The following MAP3K9 variants were observed in gnomAD, a reference collection of about 807,000 sequenced individuals.
MAP3K9 encodes mixed lineage kinase 1 (tyr and ser/thr specificity).
MAP3K9 carries 46 observed loss-of-function variants against 95.8 expected under a neutral mutation model. That is an observed-to-expected ratio of 0.48 (90% CI 0.38 to 0.61). The LOEUF (loss-of-function observed/expected upper bound fraction) is 0.61, where lower values mean the gene tolerates loss of function less well. MAP3K9 is among the 20% of genes least tolerant of loss of function. The probability of loss-of-function intolerance (pLI) is 0.00; values close to 1 mark genes in which losing one functional copy is unlikely to be tolerated. For synonymous variants in MAP3K9, 533 were observed against 593.8 expected (o/e 0.90, Z 1.49); for missense variants, 1,296 against 1,474.3 (o/e 0.88, Z 1.98).
At chr14:70,778,869 T>C (rs1265858092) in intron 2 of MAP3K9, among the ~76,000 whole-genome samples, 1 of 152,210 alleles carries the variant, frequency 6.6e-6, no homozygotes, top group African/African-American at 2.4e-5. Context: ...GATGATGCCT[T>C]ACCCTACCCC....
intron 1 of MAP3K9, 29 bp downstream of exon 1, chr14:70,808,737 C>G: frequency 1.4e-6 from 2 of 1,438,466 alleles, no homozygotes; most frequent in Non-Finnish European, 1.8e-6. Context: ...GTCATTCCCC[C>G]TCCCCGCCCG....
rs2054922225 is a variant in MAP3K9 at position 70,800,933 on chromosome 14, A to G, written c.554T>C (p.Ile185Thr). 1 of 1,613,974 alleles carries G rather than the reference A, an allele frequency of 6.2e-7. No individual in the cohort carries two copies. Among genetic ancestry groups the G allele is most frequent in the Non-Finnish European group, 8.5e-7 (1 of 1,180,020 alleles). ...HDPDEDISQT[I>T]ENVRQEAKLF... Reference sequence around the variant, plus strand: ...CTTGGCCTCTTGGCGAACATTCTCTATGGTCTGGCTGATGTCCTCATCAGG... The same window carrying G: ...CTTGGCCTCTTGGCGAACATTCTCTGTGGTCTGGCTGATGTCCTCATCAGG... The change falls in exon 2 of 12, where the codon ATA becomes ACA. Residue 185 changes from isoleucine (I) to threonine (T), a missense_variant. Physicochemically the swap from Ile to Thr is moderately conservative, Grantham distance 89. Transcript: ENST00000554752.
intron 3 of MAP3K9, among the ~76,000 whole-genome samples, chr14:70,759,068 T>G (rs944635049): frequency 4.6e-5 from 7 of 152,254 alleles, no homozygotes; most frequent in African/African-American, 1.7e-4. Flanking sequence ...GAAAGGAAAT[T>G]AGTGTTTGCT....
At chr14:70,783,363 C>T (rs1307990453) in intron 2 of MAP3K9, 4 of 985,162 alleles carry the variant, frequency 4.1e-6, no homozygotes, top group Non-Finnish European at 4.8e-6. Flanking sequence ...AGCAACGCTT[C>T]CTCAAATACC....
intron 2 of MAP3K9, among the ~76,000 whole-genome samples, chr14:70,793,022 G>A (rs1429686678): frequency 1.3e-5 from 2 of 152,178 alleles, no homozygotes; most frequent in Non-Finnish European, 1.5e-5. Flanking sequence ...GTTCCAACAG[G>A]AGCAGCCAAT....
chr14:70,740,671 A>G (rs2054057566), intron 6 of MAP3K9, among the ~76,000 whole-genome samples: 1 of 152,212 alleles, frequency 6.6e-6, no homozygotes, highest in Admixed American at 6.5e-5. Context: ...AATGGCTCCA[A>G]TTCGGACACA....
At chr14:70,787,251 G>A (rs2054756547) in intron 2 of MAP3K9, among the ~76,000 whole-genome samples, 1 of 152,068 alleles carries the variant, frequency 6.6e-6, no homozygotes, top group Non-Finnish European at 1.5e-5. Flanking sequence ...GCTCACACCT[G>A]TAATCCTAGC....
intron 9 of MAP3K9, among the ~76,000 whole-genome samples, chr14:70,735,291 A>G (rs1231882133): frequency 6.6e-6 from 1 of 151,894 alleles, no homozygotes; most frequent in Non-Finnish European, 1.5e-5. Context: ...TCCCTAGAGG[A>G]CAGTAAAAGG....
chr14:70,779,693 C>T (rs2054648301), intron 2 of MAP3K9, among the ~76,000 whole-genome samples: 1 of 152,208 alleles, frequency 6.6e-6, no homozygotes. Flanking sequence ...AAACAGGGTT[C>T]CTTCATTTTC....
chr14:70,748,712 G>C, intron 5 of MAP3K9, 117 bp downstream of exon 5: 1 of 744,108 alleles, frequency 1.3e-6, no homozygotes, highest in Non-Finnish European at 2.1e-6. Flanking sequence ...GGGCATGCTA[G>C]AATCAAGATG....
intron 3 of MAP3K9, among the ~76,000 whole-genome samples, chr14:70,756,560 G>A (rs375994436): frequency 1.3e-5 from 2 of 152,148 alleles, no homozygotes; most frequent in African/African-American, 4.8e-5. Context: ...CCAAGTGCAG[G>A]CAATTGGGTG....
At chr14:70,747,459 T>C (rs1277272746) in intron 5 of MAP3K9, among the ~76,000 whole-genome samples, 2 of 152,258 alleles carry the variant, frequency 1.3e-5, no homozygotes, top group African/African-American at 4.8e-5. Flanking sequence ...TGTGAGTTGA[T>C]TAAACCTTTT....
rs142029903 is a variant in MAP3K9 at position 70,756,345 on chromosome 14, C to A, written c.1001+4657G>T. On this transcript the variant is annotated intron_variant, in intron 3 of 11. Transcript: ENST00000554752. ...TCAGGGTTAGGCTGGGAGAAGAAAC[C>A]TAGTGGGAATACTGGAGGTAGAAAA... Among the ~76,000 whole-genome samples, 99 of 152,222 alleles carry A rather than the reference C, an allele frequency of 6.5e-4. 1 individual carries two copies. In the East Asian group the frequency reaches 0.016, roughly 25 times the overall value.
intron 9 of MAP3K9, among the ~76,000 whole-genome samples, chr14:70,735,527 A>G (rs982499427): frequency 1.3e-5 from 2 of 152,088 alleles, no homozygotes; most frequent in African/African-American, 4.8e-5. Flanking sequence ...GTACATCCCA[A>G]CCACCACTGG....
chr14:70,751,806 C>G (rs1474602909), intron 3 of MAP3K9, among the ~76,000 whole-genome samples: 3 of 152,204 alleles, frequency 2.0e-5, no homozygotes, highest in African/African-American at 4.8e-5. Flanking sequence ...ACAAACATCA[C>G]TGTGAATCTC....
At chr14:70,805,436 T>C (rs185077707) in intron 1 of MAP3K9, among the ~76,000 whole-genome samples, 2 of 152,364 alleles carry the variant, frequency 1.3e-5, no homozygotes, top group East Asian at 1.9e-4. Context: ...ACATTTTTCA[T>C]CTTTCACTAA....
rs182530403 is a variant in MAP3K9 at position 70,733,724 on chromosome 14, T to C, written c.2027-382A>G. ...AGGCTGTTTCCAGGGGAGACTAAGA[T>C]GGGAGTCAGGGGGCAGGGAGAGGAA... On this transcript the variant is annotated intron_variant, in intron 10 of 11. Coordinates refer to ENST00000554752, the MANE Select transcript of MAP3K9 (RefSeq NM_001284230.2). 767 of 718,280 alleles carry C rather than the reference T, an allele frequency of 1.1e-3. 17 individuals carry two copies. Among genetic ancestry groups the C allele is most frequent in the South Asian group, 0.01 (702 of 67,566 alleles). The allele number at this position is 718,280 out of a possible 1,614,324, so 44.5% of individuals were successfully genotyped here.
chr14:70,752,219 T>A (rs12437256), intron 3 of MAP3K9, among the ~76,000 whole-genome samples: 84,002 of 152,068 alleles, frequency 0.55, 23,311 homozygotes, highest in Middle Eastern at 0.66. Flanking sequence ...CTTCTTGACA[T>A]CCCCAGATGT....
At chr14:70,733,520 C>G in intron 10 of MAP3K9, 178 bp from the exon 11 acceptor site, 1 of 605,768 alleles carries the variant, frequency 1.7e-6, no homozygotes, top group Non-Finnish European at 3.0e-6. Context: ...CTTTATCCAC[C>G]CCCCAACACA....
Sources: allele counts gnomAD v4.1 joint callset (sites outside exome capture counted in the v4.1 genomes callset), GRCh38; gene constraint gnomAD v4.1.1; transcripts MANE v1.5; gene names NCBI Gene and HGNC (gene_info 2026-07-23, HGNC 2026-07-21).